SP110: variants seen among roughly 807,000 people sequenced by gnomAD.
The protein encoded by SP110 is SP110 nuclear body protein.
Under a neutral mutation model 92.7 loss-of-function variants are expected in SP110, and 62 were observed. That is an observed-to-expected ratio of 0.67 (90% CI 0.55 to 0.83). The LOEUF (loss-of-function observed/expected upper bound fraction) is 0.83. Ranked by LOEUF, SP110 falls within the 40% of genes least tolerant of loss-of-function variation. The probability of loss-of-function intolerance (pLI) is 0.00; values close to 1 mark genes in which losing one functional copy is unlikely to be tolerated. For missense variants in SP110, 793 were observed against 863.9 expected (o/e 0.92, Z 1.03); for synonymous variants, 273 against 305.3 (o/e 0.89, Z 1.10).
rs547113196 is a variant in SP110 at position 230,170,477 on chromosome 2, C to A, written c.2028+144G>T. The A allele has an allele frequency of 3.2e-5, 30 of 927,200 alleles. No individual in the cohort carries two copies. In the South Asian group the frequency reaches 3.6e-4, roughly 11 times the overall value. The allele number at this position is 927,200 out of a possible 1,614,324, so 57.4% of individuals were successfully genotyped here. A position where few individuals can be genotyped will look rare whatever the true frequency, so the allele number is the denominator to read the frequency against. On this transcript the variant is annotated intron_variant, in intron 18 of 18. Coordinates refer to ENST00000258381, the MANE Select transcript of SP110 (RefSeq NM_080424.4). ...ACTCACTCCTTGCCTCCAGGAATGCCGAGGTGGTTTTTTTTCTGTAATCCT... is the reference window on the plus strand; with the variant it reads ...ACTCACTCCTTGCCTCCAGGAATGCAGAGGTGGTTTTTTTTCTGTAATCCT...
chr2:230,179,102 G>C (rs2042001473), intron 12 of SP110, among the ~76,000 whole-genome samples: 1 of 152,208 alleles, frequency 6.6e-6, no homozygotes, highest in African/African-American at 2.4e-5. Context: ...GTTATTGAAA[G>C]AGCTAAAGGA....
chr2:230,215,491 T>C (rs1300978379), intron 2 of SP110, among the ~76,000 whole-genome samples: 1 of 152,232 alleles, frequency 6.6e-6, no homozygotes, highest in Non-Finnish European at 1.5e-5. Context: ...GCAATGGTTC[T>C]AGTGATGGTC....
At chr2:230,201,971 C>G (rs1263152103) in intron 9 of SP110, among the ~76,000 whole-genome samples, 1 of 152,096 alleles carries the variant, frequency 6.6e-6, no homozygotes, top group Non-Finnish European at 1.5e-5. Context: ...TGTGTAAGGC[C>G]AGATTTTCTT....
intron 10 of SP110, among the ~76,000 whole-genome samples, chr2:230,198,761 A>AT (rs938277115): frequency 6.6e-6 from 1 of 151,624 alleles, no homozygotes; most frequent in East Asian, 1.9e-4. Flanking sequence ...GGCTCAGCTA[A>AT]TTTTTTTTGT....
At chr2:230,214,534 A>G (rs1429472862) in intron 3 of SP110, among the ~76,000 whole-genome samples, 1 of 152,230 alleles carries the variant, frequency 6.6e-6, no homozygotes, top group African/African-American at 2.4e-5. Context: ...ATAATCAAAT[A>G]AAGTGTTTGC....
rs1560521709 is a variant in SP110, at chr2:230,171,752, G to A, written c.1831C>T (p.Leu611Phe). Residue 611 changes from leucine (L) to phenylalanine (F), a missense_variant, in exon 17 of 19, where the codon CTC becomes TTC. Leu to Phe is a conservative substitution (Grantham distance 22). Transcript: ENST00000258381. ...TGTGGATGACAGTAGGCCTTCAAGA[G>A]GAGGAACTCACATTTCTGTAAAATG... ...PQDQLKCEFL[L>F]LKAYCHPQSS... 5 of 1,612,926 alleles carry A rather than the reference G, an allele frequency of 3.1e-6. No individual in the cohort carries two copies. The South Asian group carries it at 3.3e-5, about 11-fold the overall frequency.
chr2:230,221,232 G>A (rs2045790030), upstream of SP110, among the ~76,000 whole-genome samples: 1 of 148,588 alleles, frequency 6.7e-6, no homozygotes, highest in African/African-American at 2.5e-5. Context: ...AGTGAGCCGA[G>A]ATCGCACCAC....
intron 11 of SP110, 75 bp from the exon 12 acceptor site, chr2:230,183,715 C>T: frequency 3.0e-6 from 3 of 1,002,090 alleles, no homozygotes; most frequent in Non-Finnish European, 4.8e-6. Flanking sequence ...AATCTTCAAG[C>T]ATTTTTTCCT....
Position 230,212,937 on chromosome 2 carries a change from G to A in SP110, c.407C>T (p.Pro136Leu), listed in dbSNP as rs768753285. ...GLAEGSSLHT[P>L]LALPPPQPPQ... is the part of the protein sequence containing the mutation. ...GGGTTGTGGTGGGGGCAGCGCCAGTGGGGTATGGAGGGAGCTTCCTTCTGC... is the reference window on the plus strand; with the variant it reads ...GGGTTGTGGTGGGGGCAGCGCCAGTAGGGTATGGAGGGAGCTTCCTTCTGC... The change falls in exon 4 of 19, where the codon CCA becomes CTA. Residue 136 changes from proline to leucine, a missense_variant. Coordinates refer to ENST00000258381, the MANE Select transcript of SP110 (RefSeq NM_080424.4). The A allele has an allele frequency of 3.7e-6, 6 of 1,613,922 alleles. No individual in the cohort carries two copies. Among genetic ancestry groups the A allele is most frequent in the South Asian group, 1.1e-5 (1 of 91,084 alleles).
At chr2:230,222,424 G>C (rs2045897015), upstream of SP110, among the ~76,000 whole-genome samples, 1 of 152,128 alleles carries the variant, frequency 6.6e-6, no homozygotes, top group Non-Finnish European at 1.5e-5. Flanking sequence ...CAGTCAAGAT[G>C]TAGACCATTT....
upstream of SP110, chr2:230,221,677 T>C (rs2045833276): frequency 6.5e-7 from 1 of 1,535,122 alleles, no homozygotes; most frequent in Non-Finnish European, 8.7e-7. Context: ...ATTAAGGTTA[T>C]TTTATGCAAA....
At chr2:230,201,286 C>T (rs897852146) in intron 9 of SP110, among the ~76,000 whole-genome samples, 2 of 152,152 alleles carry the variant, frequency 1.3e-5, no homozygotes, top group Non-Finnish European at 2.9e-5. Context: ...TCTGTCAAAC[C>T]GTTTCAGAAA....
chr2:230,186,047 A>G lies in SP110; in HGVS notation c.1226T>C (p.Met409Thr), dbSNP rs369778669. Residue 409 changes from methionine (M) to threonine (T), a missense_variant, in exon 11 of 19, where the codon ATG becomes ACG. Coordinates refer to ENST00000258381, the MANE Select transcript of SP110 (RefSeq NM_080424.4). The stretch of plus-strand genomic sequence containing the variant: ...AGTTCTTGCCTTTTGGACCCTCATC[A>G]TGACCTCTGAGTTCCAGGTTGAGTC... The part of the protein sequence containing the change: ...KDDSTWNSEV[M>T]MRVQKARTKC... The G allele has an allele frequency of 6.2e-7, 1 of 1,614,052 alleles. No individual in the cohort carries two copies. Among genetic ancestry groups the G allele is most frequent in the Admixed American group, 1.7e-5 (1 of 60,018 alleles).
intron 12 of SP110, among the ~76,000 whole-genome samples, chr2:230,181,245 G>C (rs561655537): frequency 6.6e-6 from 1 of 152,312 alleles, no homozygotes; most frequent in South Asian, 2.1e-4. Context: ...ATTGAGGAAG[G>C]GGCACCTTTT....
chr2:230,207,139 A>T (rs1250176742), intron 8 of SP110, among the ~76,000 whole-genome samples: 1 of 152,168 alleles, frequency 6.6e-6, no homozygotes, highest in Non-Finnish European at 1.5e-5. Context: ...ATCTCAAAGC[A>T]GCAAAGTTTT....
intron 12 of SP110, among the ~76,000 whole-genome samples, chr2:230,178,595 T>C (rs978738159): frequency 2.0e-5 from 3 of 152,236 alleles, no homozygotes; most frequent in African/African-American, 7.2e-5. Context: ...CTGATGGAAA[T>C]GTTTCTTTGC....
At chr2:230,180,053 C>T (rs181054758) in intron 12 of SP110, among the ~76,000 whole-genome samples, 16 of 152,272 alleles carry the variant, frequency 1.1e-4, no homozygotes, top group African/African-American at 3.1e-4. Context: ...CCCAGGAACC[C>T]GGTGGGGGAT....
At chr2:230,181,998 C>A (rs1375716026) in intron 12 of SP110, among the ~76,000 whole-genome samples, 3 of 152,198 alleles carry the variant, frequency 2.0e-5, no homozygotes, top group Non-Finnish European at 1.5e-5. Context: ...TATAAATATA[C>A]CTGCATGTGT....
At chr2:230,221,805 C>G (rs1339034908), upstream of SP110, 24 of 1,298,066 alleles carry the variant, frequency 1.8e-5, no homozygotes, top group Non-Finnish European at 2.4e-5. Flanking sequence ...ATACACCAGG[C>G]AAATGCAAAA....
Sources: gnomAD v4.1 joint callset for allele counts (sites outside exome capture counted in the v4.1 genomes callset) on GRCh38, gnomAD v4.1.1 for gene constraint, MANE v1.5 for transcripts, NCBI Gene and HGNC (gene_info 2026-07-23, HGNC 2026-07-21) for gene names.